GRID2: variants seen among roughly 807,000 people sequenced by gnomAD.
The protein encoded by GRID2 is glutamate receptor ionotropic, delta-2.
In GRID2, 33 loss-of-function variants were observed where a neutral mutation model predicts 114.8. The ratio of observed to expected loss-of-function variants is 0.29; its 90% CI spans 0.22 to 0.38. The LOEUF is 0.38. Ranked by LOEUF, GRID2 falls within the 10% of genes least tolerant of loss-of-function variation. The pLI is 1.00. For synonymous variants in GRID2, 505 were observed against 449.9 expected, an observed-to-expected ratio of 1.12 and a Z score of -1.55; for missense variants, 1,184 against 1,257.7, an observed-to-expected ratio of 0.94 and a Z score of 0.89.
intron 1 of GRID2, among the ~76,000 whole-genome samples, chr4:92,318,540 A>T: frequency 8.7e-6 from 1 of 115,174 alleles, no homozygotes; most frequent in South Asian, 2.9e-4. Context: ...TTTGAGACAG[A>T]GTCTCACTCT....
At chr4:92,341,726 C>T (rs958613073) in intron 1 of GRID2, among the ~76,000 whole-genome samples, 8 of 151,816 alleles carry the variant, frequency 5.3e-5, no homozygotes, top group East Asian at 1.9e-4. Flanking sequence ...TCCTGGCTAA[C>T]GCACGGTGAA....
chr4:93,029,421 AAAT>A (rs1276848680), intron 2 of GRID2, among the ~76,000 whole-genome samples: 1 of 151,642 alleles, frequency 6.6e-6, no homozygotes, highest in Admixed American at 6.6e-5. Context: ...TGAGCTTCTT[AAAT>A]AATAATTGTT....
At chr4:93,476,527 T>C (rs1252017154) in intron 11 of GRID2, among the ~76,000 whole-genome samples, 2 of 152,128 alleles carry the variant, frequency 1.3e-5, no homozygotes, top group Admixed American at 1.3e-4. Context: ...TCCAGAATCT[T>C]AGCCTTACAC....
intron 2 of GRID2, among the ~76,000 whole-genome samples, chr4:93,022,250 G>C (rs1280110136): frequency 6.6e-6 from 1 of 151,456 alleles, no homozygotes. Context: ...TTATAAGTTT[G>C]CATAAATATT....
rs1212451957 is a variant in GRID2, at chr4:93,051,463, C to CT, written c.245-33525dup. ...GTCACCTCAGACCTAGACAATGGCT[C>CT]TTTTTTTGTTTCCTTTTTATCAGAT... On this transcript the variant is annotated intron_variant, in intron 2 of 15. Coordinates refer to ENST00000282020, the MANE Select transcript of GRID2 (RefSeq NM_001510.4). Among the ~76,000 whole-genome samples the CT allele has an allele frequency of 2.6e-5, 4 of 152,070 alleles. No individual in the cohort carries two copies. In the South Asian group the frequency reaches 6.2e-4, roughly 24 times the overall value.
intron 11 of GRID2, among the ~76,000 whole-genome samples, chr4:93,472,724 A>G (rs888085711): frequency 6.6e-6 from 1 of 152,160 alleles, no homozygotes; most frequent in Non-Finnish European, 1.5e-5. Flanking sequence ...AAGAAAATCG[A>G]CTTTATGTTA....
At chr4:92,423,985 A>G (rs764832790) in intron 1 of GRID2, among the ~76,000 whole-genome samples, 9 of 152,152 alleles carry the variant, frequency 5.9e-5, no homozygotes, top group South Asian at 2.1e-4. Context: ...CTGGGCTTCT[A>G]TGCTCTTCAA....
chr4:93,448,392 A>G (rs1722294759), intron 10 of GRID2, among the ~76,000 whole-genome samples: 1 of 151,956 alleles, frequency 6.6e-6, no homozygotes, highest in East Asian at 1.9e-4. Flanking sequence ...AACAAAATCT[A>G]CACAATAATA....
intron 1 of GRID2, among the ~76,000 whole-genome samples, chr4:92,308,601 A>C (rs945971911): frequency 9.2e-5 from 14 of 152,194 alleles, no homozygotes; most frequent in Non-Finnish European, 1.9e-4. Flanking sequence ...AAATCGGGTA[A>C]ATAAAAGGTG....
intron 2 of GRID2, among the ~76,000 whole-genome samples, chr4:93,068,507 A>T (rs1365294190): frequency 6.6e-6 from 1 of 152,102 alleles, no homozygotes; most frequent in Non-Finnish European, 1.5e-5. Flanking sequence ...TATGGATATC[A>T]CTTGTGAAAA....
At chr4:93,766,662 T>C (rs1434396379) in intron 14 of GRID2, among the ~76,000 whole-genome samples, 1 of 152,194 alleles carries the variant, frequency 6.6e-6, no homozygotes, top group Non-Finnish European at 1.5e-5. Context: ...TATCTACAAG[T>C]ACTTATAAAC....
At chr4:92,602,254 A>G (rs1417005076) in intron 2 of GRID2, among the ~76,000 whole-genome samples, 1 of 151,916 alleles carries the variant, frequency 6.6e-6, no homozygotes, top group Non-Finnish European at 1.5e-5. Context: ...AAGAAAAAAG[A>G]AAAAGCTTCA....
intron 10 of GRID2, among the ~76,000 whole-genome samples, chr4:93,435,665 G>T (rs1215240159): frequency 6.6e-6 from 1 of 152,130 alleles, no homozygotes; most frequent in Non-Finnish European, 1.5e-5. Context: ...TAGTTAATAT[G>T]CCCATTATGT....
At chr4:93,617,911 A>T (rs1741844398) in intron 13 of GRID2, among the ~76,000 whole-genome samples, 1 of 152,190 alleles carries the variant, frequency 6.6e-6, no homozygotes, top group African/African-American at 2.4e-5. Context: ...AATCTATGCC[A>T]TATCCATCTG....
At chr4:92,744,486 T>C (rs1309235365) in intron 2 of GRID2, among the ~76,000 whole-genome samples, 1 of 123,866 alleles carries the variant, frequency 8.1e-6, no homozygotes, top group African/African-American at 3.2e-5. Flanking sequence ...ATCCTCCATC[T>C]CAAAAAAAAA....
At chr4:93,503,144 T>C (rs1728290358) in intron 12 of GRID2, among the ~76,000 whole-genome samples, 1 of 152,034 alleles carries the variant, frequency 6.6e-6, no homozygotes, top group Admixed American at 6.6e-5. Flanking sequence ...AATCAGTCAT[T>C]GTGGAGGACG....
intron 13 of GRID2, among the ~76,000 whole-genome samples, chr4:93,576,711 T>C (rs1051779310): frequency 6.6e-6 from 1 of 152,302 alleles, no homozygotes; most frequent in African/African-American, 2.4e-5. Context: ...CTTCGATACG[T>C]GTGCATTTCC....
intron 2 of GRID2, among the ~76,000 whole-genome samples, chr4:92,946,498 C>A (rs925826484): frequency 6.6e-6 from 1 of 152,032 alleles, no homozygotes; most frequent in South Asian, 2.1e-4. Context: ...TCTTCCCCCC[C>A]AAAATTATAT....
chr4:93,386,813 A>AC (rs1334751600), intron 8 of GRID2, among the ~76,000 whole-genome samples: 1 of 152,120 alleles, frequency 6.6e-6, no homozygotes, highest in African/African-American at 2.4e-5. Context: ...CCTCCAGGGT[A>AC]CCCACTCCTC....
Sources: gnomAD v4.1 joint callset for allele counts (sites outside exome capture counted in the v4.1 genomes callset) on GRCh38, gnomAD v4.1.1 for gene constraint, MANE v1.5 for transcripts, NCBI Gene and HGNC (gene_info 2026-07-23, HGNC 2026-07-21) for gene names.